NF1: variants seen among roughly 807,000 people sequenced by gnomAD.
NF1 encodes neurofibromin.
In NF1, 122 loss-of-function variants were observed where a neutral mutation model predicts 325.7. The ratio of observed to expected loss-of-function variants is 0.37; its 90% CI spans 0.32 to 0.44. NF1 has a LOEUF of 0.44. Ranked by LOEUF, NF1 falls within the 20% of genes least tolerant of loss-of-function variation. NF1 has a pLI of 1.00. For missense variants in NF1, 2,140 were observed against 3,415.4 expected, an observed-to-expected ratio of 0.63 and a Z score of 9.31; for synonymous variants, 1,091 against 1,186.0, an observed-to-expected ratio of 0.92 and a Z score of 1.65.
At chr17:31,305,477 A>G in intron 36 of NF1, 1 of 1,614,200 alleles carries the variant, frequency 6.2e-7, no homozygotes, top group Non-Finnish European at 8.5e-7. Context: ...GAATTAGCCA[A>G]TACCTGTGAC....
intron 36 of NF1, among the ~76,000 whole-genome samples, chr17:31,293,586 A>C (rs2068397123): frequency 6.6e-6 from 1 of 152,212 alleles, no homozygotes; most frequent in Non-Finnish European, 1.5e-5. Context: ...AGAACACATT[A>C]GAGTGTTGTT....
At chr17:31,311,284 G>A (rs964068641) in intron 36 of NF1, among the ~76,000 whole-genome samples, 9 of 151,962 alleles carry the variant, frequency 5.9e-5, no homozygotes, top group African/African-American at 2.2e-4. Context: ...TAATGCATAA[G>A]TACTTAAAGG....
At chr17:31,291,628 A>G (rs1309347980) in intron 36 of NF1, among the ~76,000 whole-genome samples, 1 of 152,166 alleles carries the variant, frequency 6.6e-6, no homozygotes, top group Admixed American at 6.5e-5. Context: ...AAATTTTATG[A>G]AAGATTTTAG....
chr17:31,205,345 G>A (rs1037667790), intron 11 of NF1, among the ~76,000 whole-genome samples: 16 of 151,986 alleles, frequency 1.1e-4, no homozygotes, highest in African/African-American at 3.9e-4. Flanking sequence ...ATAAACATCT[G>A]GAGTATTATA....
At chr17:31,143,994 G>A (rs780767903) in intron 1 of NF1, among the ~76,000 whole-genome samples, 5 of 151,862 alleles carry the variant, frequency 3.3e-5, no homozygotes, top group East Asian at 3.9e-4. Context: ...GCTAATTTTT[G>A]TTGTATTTTT....
At chr17:31,335,853 A>ATT (rs71360768) in intron 40 of NF1, among the ~76,000 whole-genome samples, 55,296 of 112,484 alleles carry the variant, frequency 0.49, 14,910 homozygotes, top group Non-Finnish European at 0.64. Flanking sequence ...TAATTTTTGT[A>ATT]TTTTTTTTTT....
intron 8 of NF1, among the ~76,000 whole-genome samples, chr17:31,197,334 C>A (rs2066452112): frequency 6.9e-6 from 1 of 145,450 alleles, no homozygotes; most frequent in Admixed American, 6.9e-5. Context: ...GCGTGAGCCA[C>A]CGCGCCTGGC....
At chr17:31,348,633 A>G (rs973659831) in intron 48 of NF1, among the ~76,000 whole-genome samples, 2 of 151,044 alleles carry the variant, frequency 1.3e-5, no homozygotes, top group Non-Finnish European at 3.0e-5. Flanking sequence ...TTTCTTCAAC[A>G]AACTCACTAG....
At chr17:31,114,211 C>G (rs1913689733) in intron 1 of NF1, among the ~76,000 whole-genome samples, 1 of 152,172 alleles carries the variant, frequency 6.6e-6, no homozygotes, top group African/African-American at 2.4e-5. Context: ...ACTACTTCTG[C>G]TGTACATTCC....
intron 36 of NF1, among the ~76,000 whole-genome samples, chr17:31,292,351 G>A (rs2068360081): frequency 6.6e-6 from 1 of 152,120 alleles, no homozygotes; most frequent in African/African-American, 2.4e-5. Flanking sequence ...ATACTTAGTG[G>A]CAAATAATGA....
chr17:31,226,565 G>A lies in NF1; in HGVS notation c.2132G>A (p.Arg711His), dbSNP rs1479669686. The change falls in exon 18 of 58, where the codon CGC (arginine) becomes CAC (histidine). Residue 711 changes from arginine (R) to histidine (H), a missense_variant. Around this residue, in one of 10 missense-constraint regions of NF1, gnomAD observed 380 missense variants for 639.3 expected, o/e 0.59. Coordinates refer to ENST00000358273, the MANE Select transcript of NF1 (RefSeq NM_001042492.3). ...EAVLVAMSCF[R>H]HLCEEADIRC... ...GTTCTGGTTGCCATGTCCTGTTTCCGCCACCTCTGTGAGGAAGCAGATATC... is the reference window on the plus strand; with the variant it reads ...GTTCTGGTTGCCATGTCCTGTTTCCACCACCTCTGTGAGGAAGCAGATATC... 4 of 1,613,726 alleles carry A rather than the reference G, an allele frequency of 2.5e-6. No homozygotes were observed. The highest frequency in any genetic ancestry group is 3.4e-6 in the Non-Finnish European group (4 of 1,179,808).
chr17:31,284,110 G>A (rs984625343), intron 36 of NF1, among the ~76,000 whole-genome samples: 2 of 152,018 alleles, frequency 1.3e-5, no homozygotes, highest in Non-Finnish European at 1.5e-5. Context: ...GTTATTGTTT[G>A]TTTGTTTTGA....
At chr17:31,334,296 A>G (rs1346786079) in intron 39 of NF1, among the ~76,000 whole-genome samples, 2 of 140,540 alleles carry the variant, frequency 1.4e-5, no homozygotes, top group Non-Finnish European at 1.6e-5. Context: ...ACTCCATCTC[A>G]AAAAAAAAAA....
rs1555614961 is a variant in NF1, at chr17:31,232,805, A to G, written c.3420A>G (p.Ser1140=). 2 of 1,614,168 alleles carry G rather than the reference A, an allele frequency of 1.2e-6. No individual in the cohort carries two copies. ...RKRGMSRRLA[S]LRHCTVLAMS... ...GTGGCATGTCTCGGAGGCTGGCATCACTGAGGCACTGTACGGTCCTTGCAA... is the reference window on the plus strand; with the variant it reads ...GTGGCATGTCTCGGAGGCTGGCATCGCTGAGGCACTGTACGGTCCTTGCAA... Residue 1140 remains serine (S), a synonymous_variant, in exon 26 of 58, where the codon TCA becomes TCG. Transcript: ENST00000358273.
chr17:31,112,983 A>G (rs935947068), intron 1 of NF1, among the ~76,000 whole-genome samples: 9 of 152,172 alleles, frequency 5.9e-5, no homozygotes, highest in African/African-American at 2.2e-4. Context: ...TTAACTATAT[A>G]AACTATAATA....
intron 36 of NF1, among the ~76,000 whole-genome samples, chr17:31,323,092 G>A (rs1288352216): frequency 6.6e-6 from 1 of 152,074 alleles, no homozygotes; most frequent in Non-Finnish European, 1.5e-5. Context: ...CATCAGATGA[G>A]AAGATTGTTT....
intron 29 of NF1, among the ~76,000 whole-genome samples, chr17:31,244,530 A>G (rs2067357428): frequency 6.6e-6 from 1 of 152,032 alleles, no homozygotes. Flanking sequence ...GGTCTGTTCT[A>G]AGTTCTCCAT....
chr17:31,295,535 A>G, intron 36 of NF1: 1 of 1,614,136 alleles, frequency 6.2e-7, no homozygotes, highest in Non-Finnish European at 8.5e-7. Context: ...TGTGGGATAC[A>G]TGTTATGTTC....
rs368313803 is a variant in NF1 at position 31,147,097 on chromosome 17, G to A, written c.61-8886G>A. Among the ~76,000 whole-genome samples the A allele has an allele frequency of 5.3e-5, 8 of 152,166 alleles. No individual in the cohort carries two copies. The East Asian group carries it at 7.7e-4, about 15-fold the overall frequency. On this transcript the variant is annotated intron_variant, in intron 1 of 57. Coordinates refer to ENST00000358273, the MANE Select transcript of NF1 (RefSeq NM_001042492.3). ...TTTAGCAAACTTTCTGTTAAATTAT[G>A]TGTATAGAAAAGGGCACAAATTGTA...
Sources: allele counts gnomAD v4.1 joint callset (sites outside exome capture counted in the v4.1 genomes callset), GRCh38; gene constraint gnomAD v4.1.1; regional missense constraint gnomAD v4.1.1; transcripts MANE v1.5; gene names NCBI Gene and HGNC (gene_info 2026-07-23, HGNC 2026-07-21).